Variants in RYR1 observed in about 807,000 individuals in gnomAD.
The protein encoded by RYR1 is central core disease of muscle.
In RYR1, 342 loss-of-function variants were observed where a neutral mutation model predicts 583.5. The ratio of observed to expected loss-of-function variants is 0.59; its 90% CI spans 0.54 to 0.64. The LOEUF (loss-of-function observed/expected upper bound fraction) is 0.64, where lower values mean the gene tolerates loss of function less well. Among genes scored for constraint, RYR1 ranks in the 30% least tolerant of loss-of-function variants. The pLI, the probability that RYR1 is intolerant of heterozygous loss-of-function variation, is 0.00. For missense variants in RYR1, 6,032 were observed against 6,917.2 expected (o/e 0.87, Z 4.54); for synonymous variants, 2,791 against 2,822.5 (o/e 0.99, Z 0.35).
intron 22 of RYR1, 44 bp from the exon 23 acceptor site, chr19:38,464,595 G>A (rs1248245028): frequency 6.6e-6 from 10 of 1,515,662 alleles, no homozygotes; most frequent in Non-Finnish European, 9.0e-6. Context: ...GGGGCAGGGA[G>A]CTCTGAGGGG....
At position 38,527,783 on chromosome 19, in the gene RYR1, A is replaced by T; in HGVS notation, c.10823A>T (p.Gln3608Leu). 1.9e-6 allele frequency: 3 copies of T among 1,608,602 alleles called. No homozygotes were observed. Among genetic ancestry groups the T allele is most frequent in the Non-Finnish European group, 2.5e-6 (3 of 1,176,596 alleles). The change falls in exon 73 of 106, where the codon CAG (glutamine) becomes CTG (leucine). Residue 3608 changes from glutamine to leucine, a missense_variant and splice_region_variant. Around this residue, in one of 11 missense-constraint regions of RYR1, gnomAD observed 1,493 missense variants for 1,715.5 expected, o/e 0.87. Coordinates refer to ENST00000359596, the MANE Select transcript of RYR1 (RefSeq NM_000540.3). The stretch of plus-strand genomic sequence containing the variant: ...TCAGCCGTGCTCTACTACCTGGACC[A>T]GGTGGGTGGGGCCGGAGGGGTCTTT... ...EVSAVLYYLD[Q>L]TEHPYKSKKA...
At chr19:38,528,494 C>T (rs1971581131) in intron 74 of RYR1, 76 bp downstream of exon 74, 1 of 1,590,300 alleles carries the variant, frequency 6.3e-7, no homozygotes, top group African/African-American at 1.3e-5. Context: ...GAATGGAGGG[C>T]CAACGTGATG....
At position 38,535,357 on chromosome 19, in the gene RYR1, C is replaced by T. The variant is rs1230581832; in HGVS notation, c.11481C>T (p.Phe3827=). Residue 3827 remains phenylalanine, a synonymous_variant, in exon 81 of 106, where the codon TTC becomes TTT. Coordinates refer to ENST00000359596, the MANE Select transcript of RYR1 (RefSeq NM_000540.3). Reference sequence around the variant, plus strand: ...TTAAGGACAAGAAGGAAGTTGGCTTCTTCCAGAGTATCCAGGCACTGATGC... The same window carrying T: ...TTAAGGACAAGAAGGAAGTTGGCTTTTTCCAGAGTATCCAGGCACTGATGC... ...DYLKDKKEVG[F]FQSIQALMQT... is the part of the protein sequence containing the mutation. The T allele has an allele frequency of 6.2e-7, 1 of 1,614,076 alleles. No individual in the cohort carries two copies. The highest frequency in any genetic ancestry group is 1.3e-5 in the African/African-American group (1 of 74,930).
intron 99 of RYR1, among the ~76,000 whole-genome samples, 184 bp from the exon 100 acceptor site, chr19:38,579,798 G>T (rs966820086): frequency 3.9e-5 from 6 of 151,980 alleles, no homozygotes; most frequent in African/African-American, 1.4e-4. Flanking sequence ...TCCTTCTGGA[G>T]GGGGCTCTCA....
At chr19:38,485,483 G>GAATA in intron 33 of RYR1, 107 bp from the exon 34 acceptor site, 1 of 1,463,984 alleles carries the variant, frequency 6.8e-7, no homozygotes. Flanking sequence ...AAAGACGAAT[G>GAATA]AATAAATGGG....
At chr19:38,533,646 G>C (rs565023919) in intron 78 of RYR1, among the ~76,000 whole-genome samples, 58 of 152,006 alleles carry the variant, frequency 3.8e-4, no homozygotes, top group Admixed American at 7.2e-4. Flanking sequence ...ACAAAAATGA[G>C]CTGGGCATGG....
chr19:38,464,254 G>A (rs554344831), intron 22 of RYR1, among the ~76,000 whole-genome samples: 2 of 120,756 alleles, frequency 1.7e-5, no homozygotes, highest in Non-Finnish European at 3.2e-5. Context: ...TCCAGCCTGG[G>A]CGACAGAGCG....
chr19:38,565,356 C>G lies in RYR1; in HGVS notation c.13022C>G (p.Thr4341Arg), dbSNP rs752855919. ...GCGGCGCTGCTCTGGGCAGCAGTGA[C>G]GCGCGCTGGGGCCGCTGGCGCGGGG... Reference protein sequence around the residue: ...AVAALLWAAVTRAGAAGAGAA... With the variant: ...AVAALLWAAVRRAGAAGAGAA... Residue 4341 changes from threonine (T) to arginine (R), a missense_variant, in exon 91 of 106, where the codon ACG (threonine) becomes AGG (arginine). Physicochemically the swap from Thr to Arg is moderately conservative, Grantham distance 71. Around this residue, in one of 11 missense-constraint regions of RYR1, gnomAD observed 753 missense variants for 759.6 expected, o/e 0.99. Coordinates refer to ENST00000359596, the MANE Select transcript of RYR1 (RefSeq NM_000540.3). This position sits in a 1 kb window ranked among gnomAD's most constrained non-coding sequence, Gnocchi z 4.7. The G allele has an allele frequency of 7.7e-7, 1 of 1,303,598 alleles. No homozygotes were observed. The highest frequency in any genetic ancestry group is 4.3e-5 in the Admixed American group (1 of 23,264). 80.8% of individuals were successfully genotyped at this position (1,303,598 alleles called of 1,614,324 possible).
rs371047178 is a variant in RYR1, at chr19:38,489,254, AGAG to A, written c.5634_5636del (p.Glu1878del). ...AGCCTGAGGTCTTCACTGAGGAAGA[AGAG>A]GAGGAGGACGAGGAGGAAGAGGGTG... On this transcript the variant is annotated inframe_deletion, in exon 35 of 106. Transcript: ENST00000359596. 419 of 1,613,144 alleles carry A rather than the reference AGAG, an allele frequency of 2.6e-4. No homozygotes were observed. Among genetic ancestry groups the A allele is most frequent in the South Asian group, 1.5e-3 (134 of 91,046 alleles).
In RYR1 at chr19:38,543,889, T is replaced by G. The variant is rs1280017423; in HGVS notation, c.12012+14T>G. 3.1e-6 allele frequency: 5 copies of G among 1,610,784 alleles called. No homozygotes were observed. The highest frequency in any genetic ancestry group is 1.7e-5 in the Admixed American group (1 of 59,824). On this transcript the variant is annotated intron_variant, in intron 87 of 105. Coordinates refer to ENST00000359596, the MANE Select transcript of RYR1 (RefSeq NM_000540.3). The surrounding 1 kb of genome is among the most constrained non-coding windows in gnomAD (Gnocchi z 4.4). Reference sequence around the variant, plus strand: ...AAGCTCGCTCAGGTTCGAGCCCCTCTGGTCTCCATCCACCTGCTTCCGGGC... The same window carrying G: ...AAGCTCGCTCAGGTTCGAGCCCCTCGGGTCTCCATCCACCTGCTTCCGGGC...
At chr19:38,452,216 C>G (rs1053218111) in intron 12 of RYR1, among the ~76,000 whole-genome samples, 1 of 150,736 alleles carries the variant, frequency 6.6e-6, no homozygotes, top group Non-Finnish European at 1.5e-5. Context: ...GCGGGCAGAT[C>G]GCTTGAGCCC....
At chr19:38,570,140 G>A (rs533042004) in intron 93 of RYR1, among the ~76,000 whole-genome samples, 1 of 152,270 alleles carries the variant, frequency 6.6e-6, no homozygotes, top group South Asian at 2.1e-4. Context: ...GAGCCTGGGT[G>A]ACAGAGTGAG....
At chr19:38,485,536 C>T in intron 33 of RYR1, 54 bp from the exon 34 acceptor site, 2 of 1,599,982 alleles carry the variant, frequency 1.3e-6, no homozygotes, top group African/African-American at 1.3e-5. Flanking sequence ...GGTGGCTTGA[C>T]TGATGCAGGA....
chr19:38,500,805 C>T lies in RYR1; in HGVS notation c.7445-16C>T, dbSNP rs370731720. On this transcript the variant is annotated splice_polypyrimidine_tract_variant and intron_variant, in intron 46 of 105. Coordinates refer to ENST00000359596, the MANE Select transcript of RYR1 (RefSeq NM_000540.3). The surrounding 1 kb of genome is among the most constrained non-coding windows in gnomAD (Gnocchi z 5.9). ...GGTCCGCAGGGCATCCCCGAACCCA[C>T]CCTCCCTGCCTGCAGATGGGGCTCT... 1 of 1,613,738 alleles carries T rather than the reference C, an allele frequency of 6.2e-7. No individual in the cohort carries two copies. Among genetic ancestry groups the T allele is most frequent in the Non-Finnish European group, 8.5e-7 (1 of 1,179,824 alleles).
At chr19:38,457,703 C>T in intron 17 of RYR1, 73 bp downstream of exon 17, 2 of 1,483,712 alleles carry the variant, frequency 1.3e-6, no homozygotes, top group Middle Eastern at 1.7e-4. Flanking sequence ...ACTCCACACC[C>T]AGATGGATGT....
chr19:38,581,044 G>A (rs1017725995), intron 101 of RYR1, among the ~76,000 whole-genome samples: 2 of 151,704 alleles, frequency 1.3e-5, no homozygotes, highest in Admixed American at 6.6e-5. Context: ...GACTACAGGC[G>A]CATGCCACCA....
rs1178868022 is a variant in RYR1 at position 38,523,029 on chromosome 19, G to A, written c.10261G>A (p.Ala3421Thr). 1 of 1,593,138 alleles carries A rather than the reference G, an allele frequency of 6.3e-7. No homozygotes were observed. The highest frequency in any genetic ancestry group is 8.5e-7 in the Non-Finnish European group (1 of 1,170,986). Residue 3421 changes from alanine (A) to threonine (T), a missense_variant and splice_region_variant, in exon 68 of 106, where the codon GCG (alanine) becomes ACG (threonine). By Grantham distance (58) the Ala-to-Thr change is moderately conservative. Coordinates refer to ENST00000359596, the MANE Select transcript of RYR1 (RefSeq NM_000540.3). ...TCACCTCCCCTCCGCTGACCCCAGG[G>A]CGCAGTGGCTGACGGAGCCGAATCC... ...LLIRYVDNNR[A>T]QWLTEPNPSA...
At chr19:38,448,948 G>T in intron 11 of RYR1, 135 bp downstream of exon 11, 1 of 826,008 alleles carries the variant, frequency 1.2e-6, no homozygotes, top group Non-Finnish European at 2.0e-6. Context: ...GGTGCAGGAG[G>T]GTACTGAGGG....
At chr19:38,556,079 G>A (rs12973045) in intron 89 of RYR1, among the ~76,000 whole-genome samples, 27,132 of 151,932 alleles carry the variant, frequency 0.18, 3,139 homozygotes, top group African/African-American at 0.31. Context: ...GGCCAGGGTA[G>A]TCTCAAACTC....
Sources: gnomAD v4.1 joint callset for allele counts (sites outside exome capture counted in the v4.1 genomes callset) on GRCh38, gnomAD v4.1.1 for gene constraint, gnomAD v4.1.1 regional missense constraint, Gnocchi (gnomAD v3.1) non-coding constraint, MANE v1.5 for transcripts, NCBI Gene and HGNC (gene_info 2026-07-23, HGNC 2026-07-21) for gene names.